Variants in CLEC17A observed in about 807,000 individuals in gnomAD.
The protein encoded by CLEC17A is C-type lectin domain containing 17A, also known as C-type lectin domain family 17, member A.
In CLEC17A, 37 loss-of-function variants were observed where a neutral mutation model predicts 61.3. The ratio of observed to expected loss-of-function variants is 0.60; its 90% CI spans 0.46 to 0.79. The LOEUF is 0.79. Ranked by LOEUF, CLEC17A falls within the 30% of genes least tolerant of loss-of-function variation. The pLI, the probability that CLEC17A is intolerant of heterozygous loss-of-function variation, is 0.00. For synonymous variants in CLEC17A, 168 were observed against 164.9 expected (o/e 1.02, Z -0.14); for missense variants, 418 against 464.7 (o/e 0.90, Z 0.92).
At chr19:14,609,989 C>A in intron 13 of CLEC17A, 75 bp from the exon 14 acceptor site, 1 of 1,098,586 alleles carries the variant, frequency 9.1e-7, no homozygotes, top group Non-Finnish European at 1.4e-6. Flanking sequence ...AGGTATTCAT[C>A]ATTACAGTAT....
intron 12 of CLEC17A, 121 bp from the exon 13 acceptor site, chr19:14,606,872 G>C (rs1366468236): frequency 2.7e-6 from 1 of 370,060 alleles, no homozygotes; most frequent in Admixed American, 4.7e-5. Flanking sequence ...CATGGGGACG[G>C]GGACGGGTTG....
chr19:14,605,433 A>G (rs2074837165), intron 12 of CLEC17A, among the ~76,000 whole-genome samples: 1 of 152,138 alleles, frequency 6.6e-6, no homozygotes, highest in African/African-American at 2.4e-5. Flanking sequence ...TTTGGTGGTA[A>G]GTTGGGTGAG....
At chr19:14,595,942 A>ACGATG (rs2074536444) in intron 8 of CLEC17A, among the ~76,000 whole-genome samples, 2 of 470 alleles carry the variant, frequency 4.3e-3, no homozygotes, top group African/African-American at 0.017. Flanking sequence ...TGATGATAGT[A>ACGATG]GAGGCAGTGA....
intron 4 of CLEC17A, 122 bp from the exon 5 acceptor site, chr19:14,594,395 T>A (rs1388597636): frequency 2.3e-6 from 3 of 1,320,102 alleles, no homozygotes; most frequent in Non-Finnish European, 3.2e-6. Flanking sequence ...CATTCTTACG[T>A]CCAACCCCGT....
chr19:14,597,801 A>T (rs930295440), intron 10 of CLEC17A, among the ~76,000 whole-genome samples: 2 of 151,970 alleles, frequency 1.3e-5, no homozygotes, highest in African/African-American at 4.8e-5. Context: ...AAGAGGTCTC[A>T]CTATGTTGAC....
intron 12 of CLEC17A, among the ~76,000 whole-genome samples, chr19:14,601,330 C>A (rs150620353): frequency 1.3e-5 from 2 of 152,170 alleles, no homozygotes; most frequent in African/African-American, 4.8e-5. Flanking sequence ...CACATGTACA[C>A]GCCTATCTTT....
intron 4 of CLEC17A, among the ~76,000 whole-genome samples, chr19:14,593,383 A>G (rs2074466977): frequency 6.6e-6 from 1 of 151,048 alleles, no homozygotes; most frequent in Admixed American, 6.6e-5. Flanking sequence ...GTGGTGGCTC[A>G]TGCTTGTAAT....
chr19:14,596,879 C>A lies in CLEC17A; in HGVS notation c.449C>A (p.Thr150Asn). Residue 150 changes from threonine to asparagine, a missense_variant, in exon 9 of 14, where the codon ACT becomes AAT. Transcript: ENST00000417570. The stretch of plus-strand genomic sequence containing the variant: ...TGTTCCCATCCCCACTCCCCAGCAA[C>A]TCCAGTCCCCTGGCTCAATCAGAGG... ...PSPLQPSLAA[T>N]PVPWLNQRSG... 1 of 1,608,922 alleles carries A rather than the reference C, an allele frequency of 6.2e-7. No individual in the cohort carries two copies. The highest frequency in any genetic ancestry group is 1.3e-5 in the African/African-American group (1 of 74,828).
chr19:14,607,649 C>T (rs1392623778), intron 13 of CLEC17A, among the ~76,000 whole-genome samples: 1 of 151,860 alleles, frequency 6.6e-6, no homozygotes, highest in African/African-American at 2.4e-5. Context: ...GATCTCAGCT[C>T]ACTGTAATCT....
Position 14,607,007 on chromosome 19 carries a change from G to T in CLEC17A, c.909G>T (p.Lys303Asn). 7.8e-7 allele frequency: 1 copy of T among 1,289,660 alleles called. No homozygotes were observed. Among genetic ancestry groups the T allele is most frequent in the Non-Finnish European group, 9.9e-7 (1 of 1,014,546 alleles). The allele number at this position is 1,289,660 out of a possible 1,614,324, so 79.9% of individuals were successfully genotyped here. ...NSFAEHNFVA[K>N]AHGSPRVYWL... ...TTTATTTGCAGAATTTTGTGGCCAAGGCCCATGGCTCTCCACGGGTGTACT... is the reference window on the plus strand; with the variant it reads ...TTTATTTGCAGAATTTTGTGGCCAATGCCCATGGCTCTCCACGGGTGTACT... The change falls in exon 13 of 14, where the codon AAG becomes AAT. Residue 303 changes from lysine to asparagine, a missense_variant. Coordinates refer to ENST00000417570, the MANE Select transcript of CLEC17A (RefSeq NM_001204118.2).
chr19:14,609,239 A>G (rs2074987207), intron 13 of CLEC17A, among the ~76,000 whole-genome samples: 1 of 152,082 alleles, frequency 6.6e-6, no homozygotes, highest in Non-Finnish European at 1.5e-5. Context: ...AGAAGCCTGG[A>G]CCCCTTGTGA....
intron 3 of CLEC17A, among the ~76,000 whole-genome samples, chr19:14,590,852 G>T (rs1488953982): frequency 6.8e-6 from 1 of 147,264 alleles, no homozygotes; most frequent in Non-Finnish European, 1.5e-5. Context: ...TGCCTGGATG[G>T]TTTTTTCTAA....
chr19:14,596,473 A>C (rs1328368476), intron 8 of CLEC17A, among the ~76,000 whole-genome samples: 1 of 152,092 alleles, frequency 6.6e-6, no homozygotes, highest in African/African-American at 2.4e-5. Context: ...CTCTGCAAAA[A>C]AATAAAATAA....
intron 10 of CLEC17A, among the ~76,000 whole-genome samples, 196 bp downstream of exon 10, chr19:14,597,357 C>A (rs1008010507): frequency 1.3e-5 from 2 of 152,142 alleles, no homozygotes; most frequent in Non-Finnish European, 2.9e-5. Flanking sequence ...GTGTCCAGAC[C>A]TCCACCATCC....
At chr19:14,594,871 TTTTA>T in intron 7 of CLEC17A, 71 bp downstream of exon 7, 3 of 1,392,860 alleles carry the variant, frequency 2.2e-6, no homozygotes, top group Non-Finnish European at 3.0e-6. Context: ...ATCCCCCAAT[TTTTA>T]TTTATTTATT....
In CLEC17A at chr19:14,610,051, T is replaced by G. The variant is rs1224475413; in HGVS notation, c.1005-13T>G. ...AGATCCCTGTCCCTCTGCCCACTTT[T>G]TCCTCCATCCAGCTTCTGGGAGCCA... is the stretch of plus-strand genomic sequence containing the variant. On this transcript the variant is annotated splice_polypyrimidine_tract_variant and intron_variant, in intron 13 of 13. Transcript: ENST00000417570. 3 of 1,609,544 alleles carry G rather than the reference T, an allele frequency of 1.9e-6. No individual in the cohort carries two copies. Among genetic ancestry groups the G allele is most frequent in the Non-Finnish European group, 2.6e-6 (3 of 1,176,256 alleles).
chr19:14,610,446 T>TC lies in CLEC17A; in HGVS notation c.*250_*251insC. On this transcript the variant is annotated 3_prime_UTR_variant, in exon 14 of 14. Coordinates refer to ENST00000417570, the MANE Select transcript of CLEC17A (RefSeq NM_001204118.2). ...AGCTTGGTGGTGGGAGGTCTCCCACTTCTGGGGTTGAAAGGATCTTCACTA... is the reference window on the plus strand; with the variant it reads ...AGCTTGGTGGTGGGAGGTCTCCCACTCTCTGGGGTTGAAAGGATCTTCACTA... 18 of 523,376 alleles carry TC rather than the reference T, an allele frequency of 3.4e-5. No individual in the cohort carries two copies. The South Asian group carries it at 3.7e-4, about 11-fold the overall frequency. The allele number at this position is 523,376 out of a possible 1,614,324, so 32.4% of individuals were successfully genotyped here.
rs2075024798 is a variant in CLEC17A at position 14,610,811 on chromosome 19, G to C, written c.*615G>C. The C allele has an allele frequency of 6.6e-6, 1 of 152,164 alleles. No individual in the cohort carries two copies. Among genetic ancestry groups the C allele is most frequent in the Admixed American group, 6.6e-5 (1 of 15,246 alleles). The allele number at this position is 152,164 out of a possible 1,614,324, so 9.4% of individuals were successfully genotyped here. A position where few individuals can be genotyped will look rare whatever the true frequency, so the allele number is the denominator to read the frequency against. ...GTGAGGATTACAGGTGTGAGCCACTGTGCCTGGCTCAAAATTATTATTATT... is the reference window on the plus strand; with the variant it reads ...GTGAGGATTACAGGTGTGAGCCACTCTGCCTGGCTCAAAATTATTATTATT... On this transcript the variant is annotated 3_prime_UTR_variant, in exon 14 of 14. Transcript: ENST00000417570.
In CLEC17A at chr19:14,589,137, C is replaced by A. The variant is rs551562451; in HGVS notation, c.199+1446C>A. Among the ~76,000 whole-genome samples the A allele has an allele frequency of 2.2e-3, 329 of 150,694 alleles. 1 individual carries two copies. The highest frequency in any genetic ancestry group is 6.5e-3 in the African/African-American group (263 of 40,418). ...ATAGCCCAGCCTCGACTCCTTCCCC[C>A]TTCCCAAACCTGGCAAGGACTCTGT... On this transcript the variant is annotated intron_variant, in intron 3 of 13. Coordinates refer to ENST00000417570, the MANE Select transcript of CLEC17A (RefSeq NM_001204118.2).
Sources: allele counts gnomAD v4.1 joint callset (sites outside exome capture counted in the v4.1 genomes callset), GRCh38; gene constraint gnomAD v4.1.1; transcripts MANE v1.5; gene names NCBI Gene and HGNC (gene_info 2026-07-23, HGNC 2026-07-21).